JCAD: variants seen among roughly 807,000 people sequenced by gnomAD.
JCAD encodes junctional cadherin 5-associated protein.
In JCAD, 40 loss-of-function variants were observed where a neutral mutation model predicts 98.0. The observed-to-expected ratio is 0.41, with a 90% CI of 0.32 to 0.53. The LOEUF (loss-of-function observed/expected upper bound fraction) is 0.53, where lower values mean the gene tolerates loss of function less well. Ranked by LOEUF, JCAD falls within the 20% of genes least tolerant of loss-of-function variation. The pLI, the probability that JCAD is intolerant of heterozygous loss-of-function variation, is 0.31. For synonymous variants in JCAD, 691 were observed against 682.3 expected (o/e 1.01, Z -0.20); for missense variants, 1,705 against 1,738.1 (o/e 0.98, Z 0.34).
intron 2 of JCAD, among the ~76,000 whole-genome samples, chr10:30,045,488 A>T (rs1326501805): frequency 6.6e-6 from 1 of 152,184 alleles, no homozygotes; most frequent in African/African-American, 2.4e-5. Context: ...GAAATAGGAG[A>T]CAAGGTACAA....
At chr10:30,061,515 C>T (rs1436048337), upstream of JCAD, among the ~76,000 whole-genome samples, 18 of 149,486 alleles carry the variant, frequency 1.2e-4, no homozygotes, top group Non-Finnish European at 4.4e-5. Flanking sequence ...GCACTCCAGC[C>T]TGGGCAATAG....
intron 1 of JCAD, among the ~76,000 whole-genome samples, chr10:30,111,602 T>C (rs1232798087): frequency 6.6e-6 from 1 of 152,190 alleles, no homozygotes; most frequent in Non-Finnish European, 1.5e-5. Context: ...AAAAATGTGA[T>C]GTGACATGAC....
intron 3 of JCAD, 54 bp downstream of exon 3, chr10:30,026,049 G>T: frequency 6.2e-7 from 1 of 1,600,442 alleles, no homozygotes; most frequent in South Asian, 1.1e-5. Context: ...ATTTTGTACT[G>T]ACTAAAAACT....
chr10:30,092,034 CAAAAAAA>C lies in JCAD; in HGVS notation n.129-22220_129-22214del, dbSNP rs1198107053. On this transcript the variant is annotated intron_variant and non_coding_transcript_variant, in intron 1 of 2. Transcript: ENST00000465712. ...CAGAGCGAGACTCCATCCCCCACCA[CAAAAAAA>C]AAAAAAAAAAAAAAAAAAAAAAAAT... 1.4e-3 allele frequency among the ~76,000 whole-genome samples: 48 copies of C among 35,408 alleles called. 2 individuals are homozygous for C. Among genetic ancestry groups the C allele is most frequent in the African/African-American group, 5.7e-3 (41 of 7,186 alleles). The allele number at this position is 35,408 out of a possible 152,430, so 23.2% of individuals were successfully genotyped here.
intron 2 of JCAD, among the ~76,000 whole-genome samples, chr10:30,039,905 C>A (rs1303557031): frequency 6.6e-6 from 1 of 152,180 alleles, no homozygotes; most frequent in Non-Finnish European, 1.5e-5. Flanking sequence ...CTTTTTGTAT[C>A]CTGGGAGGAA....
intron 1 of JCAD, among the ~76,000 whole-genome samples, chr10:30,109,945 T>C (rs1264905528): frequency 6.6e-6 from 1 of 151,946 alleles, no homozygotes; most frequent in Non-Finnish European, 1.5e-5. Flanking sequence ...CCCCTGTGTA[T>C]GGACCAGCTC....
intron 2 of JCAD, chr10:30,044,896 G>T: frequency 1.7e-6 from 1 of 576,678 alleles, no homozygotes; most frequent in Non-Finnish European, 2.2e-6. Context: ...TGGGGCACTG[G>T]CAGGGATGTC....
intron 1 of JCAD, among the ~76,000 whole-genome samples, chr10:30,106,212 C>G (rs181007743): frequency 3.3e-5 from 5 of 151,958 alleles, no homozygotes; most frequent in African/African-American, 1.2e-4. Context: ...CACTTGATGC[C>G]GGGAGTTCAA....
At chr10:30,053,570 G>A (rs34766988) in intron 1 of JCAD, among the ~76,000 whole-genome samples, 55,375 of 141,700 alleles carry the variant, frequency 0.39, 12,125 homozygotes, top group Non-Finnish European at 0.49. Context: ...AAAAAAAAAA[G>A]AAAAGAAAAG....
chr10:30,025,810 G>A (rs568450601), intron 3 of JCAD, among the ~76,000 whole-genome samples: 45 of 151,296 alleles, frequency 3.0e-4, no homozygotes, highest in Non-Finnish European at 5.3e-4. Flanking sequence ...GATCACTTGA[G>A]CCCAGGAAGC....
At chr10:30,077,936 A>G (rs926316599) in intron 1 of JCAD, among the ~76,000 whole-genome samples, 8 of 152,236 alleles carry the variant, frequency 5.3e-5, no homozygotes, top group African/African-American at 1.4e-4. Context: ...CTAGAAGTAG[A>G]ATGGCTGGAT....
rs747166214 is a variant in JCAD, at chr10:30,026,919, G to A, written c.3229C>T (p.Pro1077Ser). The A allele has an allele frequency of 3.7e-6, 6 of 1,614,022 alleles. No individual in the cohort carries two copies. The African/African-American group carries it at 8.0e-5, about 22-fold the overall frequency. The change falls in exon 3 of 4, where the codon CCC becomes TCC. Residue 1077 changes from proline to serine, a missense_variant. By Grantham distance (74) the Pro-to-Ser change is moderately conservative. Around this residue, in one of 3 missense-constraint regions of JCAD, gnomAD observed 1,278 missense variants for 1,243.1 expected, o/e 1.03. Coordinates refer to ENST00000375377, the MANE Select transcript of JCAD (RefSeq NM_020848.4). ...SLGEASTIEI[P>S]PGESLQARAA... ...CTGGCTTGCAAGGACTCACCTGGGG[G>A]GATTTCTATTGTGCTTGCTTCACCC...
chr10:30,111,092 G>A (rs1326703589), intron 1 of JCAD, among the ~76,000 whole-genome samples: 1 of 151,342 alleles, frequency 6.6e-6, no homozygotes, highest in African/African-American at 2.4e-5. Context: ...CTCTACCCCC[G>A]ACCTGATATA....
intron 1 of JCAD, among the ~76,000 whole-genome samples, chr10:30,070,867 G>T (rs1404714609): frequency 2.0e-5 from 3 of 152,190 alleles, no homozygotes; most frequent in African/African-American, 7.2e-5. Context: ...GATTTTATAT[G>T]TTAAAGTATT....
At position 30,014,195 on chromosome 10, in the gene JCAD, C is replaced by T. The variant is rs1836487015; in HGVS notation, c.*3688G>A. On this transcript the variant is annotated 3_prime_UTR_variant, in exon 4 of 4. Coordinates refer to ENST00000375377, the MANE Select transcript of JCAD (RefSeq NM_020848.4). ...TCCTGTCCTGAGTAGCAACTCTCCTCCCACAGACAGATGTACAGAATCTGC... is the reference window on the plus strand; with the variant it reads ...TCCTGTCCTGAGTAGCAACTCTCCTTCCACAGACAGATGTACAGAATCTGC... 1 of 152,178 alleles carries T rather than the reference C, an allele frequency of 6.6e-6. No individual in the cohort carries two copies. Among genetic ancestry groups the T allele is most frequent in the African/African-American group, 2.4e-5 (1 of 41,436 alleles). The allele number at this position is 152,178 out of a possible 1,614,324, so 9.4% of individuals were successfully genotyped here. A position where few individuals can be genotyped will look rare whatever the true frequency, so the allele number is the denominator to read the frequency against.
rs191612443 is a variant in JCAD, at chr10:30,032,114, C to T, written c.282-2248G>A. Among the ~76,000 whole-genome samples the T allele has an allele frequency of 2.6e-5, 4 of 152,196 alleles. No individual in the cohort carries two copies. The East Asian group carries it at 7.7e-4, about 29-fold the overall frequency. ...TTATCCTCAATTTTGGGAAACACTG[C>T]TAGGGCTTACATTGAGATTGTCTAG... On this transcript the variant is annotated intron_variant, in intron 2 of 3. Coordinates refer to ENST00000375377, the MANE Select transcript of JCAD (RefSeq NM_020848.4).
intron 3 of JCAD, among the ~76,000 whole-genome samples, chr10:30,020,002 AAAG>A (rs1216989287): frequency 6.6e-6 from 1 of 151,994 alleles, no homozygotes; most frequent in East Asian, 1.9e-4. Flanking sequence ...AAAAAAAAAA[AAAG>A]GAAATCTGGA....
At chr10:30,110,215 T>A (rs1219272241) in intron 1 of JCAD, among the ~76,000 whole-genome samples, 1 of 150,808 alleles carries the variant, frequency 6.6e-6, no homozygotes, top group Non-Finnish European at 1.5e-5. Context: ...ACCATTGATG[T>A]ATGGTCCAGC....
intron 2 of JCAD, among the ~76,000 whole-genome samples, chr10:30,032,594 C>G (rs1404717303): frequency 6.6e-6 from 1 of 152,038 alleles, no homozygotes; most frequent in Non-Finnish European, 1.5e-5. Context: ...TAAATTATTA[C>G]AGTAATGGAT....
Sources: gnomAD v4.1 joint callset for allele counts (sites outside exome capture counted in the v4.1 genomes callset) on GRCh38, gnomAD v4.1.1 for gene constraint, gnomAD v4.1.1 regional missense constraint, MANE v1.5 for transcripts, NCBI Gene and HGNC (gene_info 2026-07-23, HGNC 2026-07-21) for gene names.